DNAJC1: variants seen among roughly 807,000 people sequenced by gnomAD.
The protein encoded by DNAJC1 is dnaJ homolog subfamily C member 1.
A neutral mutation model predicts 76.6 loss-of-function variants in DNAJC1; 58 were observed. That is an observed-to-expected ratio of 0.76 (90% CI 0.61 to 0.94). The LOEUF (loss-of-function observed/expected upper bound fraction) is 0.94, where lower values mean the gene tolerates loss of function less well. Ranked by LOEUF, DNAJC1 falls within the 40% of genes least tolerant of loss-of-function variation. The pLI, the probability that DNAJC1 is intolerant of heterozygous loss-of-function variation, is 0.00. For synonymous variants in DNAJC1, 258 were observed against 267.9 expected, an observed-to-expected ratio of 0.96 and a Z score of 0.36; for missense variants, 689 against 677.3, an observed-to-expected ratio of 1.02 and a Z score of -0.19.
At chr10:21,764,600 T>C (rs563525692) in intron 10 of DNAJC1, among the ~76,000 whole-genome samples, 1 of 152,360 alleles carries the variant, frequency 6.6e-6, no homozygotes, top group South Asian at 2.1e-4. Flanking sequence ...GGAAACAATT[T>C]TAGAATTTCT....
intron 6 of DNAJC1, among the ~76,000 whole-genome samples, chr10:21,905,955 T>G (rs1386031608): frequency 6.6e-6 from 1 of 152,156 alleles, no homozygotes; most frequent in East Asian, 1.9e-4. Flanking sequence ...TTGACACTAC[T>G]TTGACTCAGA....
At chr10:21,775,356 T>A (rs1437882844) in intron 9 of DNAJC1, among the ~76,000 whole-genome samples, 1 of 101,242 alleles carries the variant, frequency 9.9e-6, no homozygotes, top group East Asian at 3.1e-4. Context: ...TTTTTTTTTT[T>A]AGAATTTCCC....
intron 8 of DNAJC1, among the ~76,000 whole-genome samples, chr10:21,874,537 AGGC>A (rs1836154668): frequency 6.6e-6 from 1 of 152,246 alleles, no homozygotes; most frequent in African/African-American, 2.4e-5. Context: ...AAAATATAAA[AGGC>A]TACATATTGT....
At chr10:21,783,665 C>T (rs1490222506) in intron 9 of DNAJC1, among the ~76,000 whole-genome samples, 14 of 152,290 alleles carry the variant, frequency 9.2e-5, no homozygotes, top group Admixed American at 2.0e-4. Flanking sequence ...TACAAGGCTA[C>T]AGTAACCAAA....
At position 21,805,439 on chromosome 10, in the gene DNAJC1, G is replaced by GACACACACAC. The variant is rs10657199; in HGVS notation, c.1098+531_1098+540dup. On this transcript the variant is annotated intron_variant, in intron 9 of 11. Coordinates refer to ENST00000376980, the MANE Select transcript of DNAJC1 (RefSeq NM_022365.4). ...ATTTATCTTTTAAATGTTACGTATG[G>GACACACACAC]ACACACACACACACACACACACACA... Among the ~76,000 whole-genome samples, 780 of 142,844 alleles carry GACACACACAC rather than the reference G, an allele frequency of 5.5e-3. 7 individuals are homozygous for GACACACACAC. The highest frequency in any genetic ancestry group is 0.021 in the Middle Eastern group (6 of 286). The allele number at this position is 142,844 out of a possible 152,430, so 93.7% of individuals were successfully genotyped here.
chr10:21,823,912 AAAAT>A (rs957330733), intron 8 of DNAJC1, among the ~76,000 whole-genome samples: 1 of 152,198 alleles, frequency 6.6e-6, no homozygotes, highest in African/African-American at 2.4e-5. Flanking sequence ...GAATAATAAA[AAAAT>A]AAAGTGCACT....
Position 21,909,609 on chromosome 10 carries a change from G to T in DNAJC1, c.730-4997C>A, listed in dbSNP as rs150065544. Among the ~76,000 whole-genome samples the T allele has an allele frequency of 7.2e-5, 11 of 152,332 alleles. No individual in the cohort carries two copies. The East Asian group carries it at 2.1e-3, about 29-fold the overall frequency. On this transcript the variant is annotated intron_variant, in intron 6 of 11. Transcript: ENST00000376980. Reference sequence around the variant, plus strand: ...ATGAATTACTGGCAAAGAAAGTGGTGCTCACTCAACATTCTGTTTCCCTAT... The same window carrying T: ...ATGAATTACTGGCAAAGAAAGTGGTTCTCACTCAACATTCTGTTTCCCTAT...
intron 8 of DNAJC1, among the ~76,000 whole-genome samples, chr10:21,881,833 C>A (rs1836283324): frequency 2.1e-5 from 3 of 144,422 alleles, no homozygotes; most frequent in African/African-American, 5.2e-5. Flanking sequence ...CTGCCACAAA[C>A]CCTCAATTTG....
At chr10:21,764,718 C>A (rs975927203) in intron 10 of DNAJC1, among the ~76,000 whole-genome samples, 3 of 152,130 alleles carry the variant, frequency 2.0e-5, no homozygotes, top group Non-Finnish European at 2.9e-5. Context: ...TTTCAAAATT[C>A]TTTGGCTTCT....
At chr10:21,776,011 T>A (rs1418672449) in intron 9 of DNAJC1, among the ~76,000 whole-genome samples, 1 of 152,166 alleles carries the variant, frequency 6.6e-6, no homozygotes, top group Non-Finnish European at 1.5e-5. Context: ...CAAATTTATC[T>A]TTAGAATGCT....
chr10:21,958,486 T>C (rs1837731403), intron 1 of DNAJC1, among the ~76,000 whole-genome samples: 1 of 151,964 alleles, frequency 6.6e-6, no homozygotes, highest in East Asian at 1.9e-4. Flanking sequence ...TGGAGTGCAG[T>C]GGCGCGATCT....
intron 1 of DNAJC1, among the ~76,000 whole-genome samples, chr10:21,942,333 T>C (rs1282477866): frequency 6.6e-6 from 1 of 152,112 alleles, no homozygotes; most frequent in Non-Finnish European, 1.5e-5. Flanking sequence ...TTCATTCACA[T>C]AACAGCAAAA....
At chr10:21,970,694 C>T (rs1041291969) in intron 1 of DNAJC1, among the ~76,000 whole-genome samples, 4 of 151,892 alleles carry the variant, frequency 2.6e-5, no homozygotes, top group African/African-American at 9.7e-5. Context: ...ACAGAGTTGA[C>T]TTGATGCATG....
At chr10:21,801,681 T>C (rs899046875) in intron 9 of DNAJC1, among the ~76,000 whole-genome samples, 2 of 152,142 alleles carry the variant, frequency 1.3e-5, no homozygotes, top group East Asian at 1.9e-4. Flanking sequence ...TAAAGACACA[T>C]GCACGTGAAT....
intron 7 of DNAJC1, among the ~76,000 whole-genome samples, chr10:21,896,357 G>C (rs1022969181): frequency 6.6e-6 from 1 of 152,196 alleles, no homozygotes; most frequent in Non-Finnish European, 1.5e-5. Context: ...GATGAAACAC[G>C]AAGTCAAAGT....
chr10:21,777,117 G>A (rs1041485086), intron 9 of DNAJC1, among the ~76,000 whole-genome samples: 5 of 152,184 alleles, frequency 3.3e-5, no homozygotes, highest in Non-Finnish European at 7.3e-5. Context: ...CACAGACTAT[G>A]AGCTAAACCA....
intron 1 of DNAJC1, among the ~76,000 whole-genome samples, chr10:21,932,797 A>AT (rs1041581678): frequency 6.6e-6 from 1 of 152,128 alleles, no homozygotes; most frequent in Non-Finnish European, 1.5e-5. Flanking sequence ...TTTGATTTTT[A>AT]TTTTTTGTAG....
chr10:21,864,390 G>A (rs1835962229), intron 8 of DNAJC1, among the ~76,000 whole-genome samples: 1 of 152,148 alleles, frequency 6.6e-6, no homozygotes, highest in Non-Finnish European at 1.5e-5. Context: ...GGGAGGCCAA[G>A]GCAGGTGGAT....
At chr10:21,955,360 G>GT (rs764008506) in intron 1 of DNAJC1, among the ~76,000 whole-genome samples, 2 of 152,040 alleles carry the variant, frequency 1.3e-5, no homozygotes, top group Non-Finnish European at 2.9e-5. Context: ...ACCTCTTCAG[G>GT]TAAAATTTAT....
Sources: allele counts gnomAD v4.1 joint callset (sites outside exome capture counted in the v4.1 genomes callset), GRCh38; gene constraint gnomAD v4.1.1; transcripts MANE v1.5; gene names NCBI Gene and HGNC (gene_info 2026-07-23, HGNC 2026-07-21).